The following HS6ST3 variants were observed in gnomAD, a reference collection of about 807,000 sequenced individuals.
HS6ST3 encodes the protein heparan sulfate 6-O-sulfotransferase 3, also known as heparan-sulfate 6-O-sulfotransferase 3.
Under a neutral mutation model 36.7 loss-of-function variants are expected in HS6ST3, and 12 were observed. That is an observed-to-expected ratio of 0.33 (90% CI 0.21 to 0.53). HS6ST3 has a LOEUF of 0.53. HS6ST3 is among the 20% of genes least tolerant of loss of function. HS6ST3 has a pLI of 0.95. For missense variants in HS6ST3, 584 were observed against 640.9 expected, an observed-to-expected ratio of 0.91 and a Z score of 0.96; for synonymous variants, 240 against 257.5, an observed-to-expected ratio of 0.93 and a Z score of 0.65.
rs145875328 is a variant in HS6ST3 at position 96,539,602 on chromosome 13, G to A, written c.708-292888G>A. Among the ~76,000 whole-genome samples the A allele has an allele frequency of 5.1e-3, 777 of 152,142 alleles. 7 individuals are homozygous for A. Among genetic ancestry groups the A allele is most frequent in the Middle Eastern group, 0.014 (4 of 292 alleles). ...GAACTCCTGACCTCATGATCCACCC[G>A]CCTCAGCCTCCCAAAGTGCTGGGAT... On this transcript the variant is annotated intron_variant, in intron 1 of 1. Coordinates refer to ENST00000376705, the MANE Select transcript of HS6ST3 (RefSeq NM_153456.4).
At chr13:96,253,121 C>G (rs1409196061) in intron 1 of HS6ST3, among the ~76,000 whole-genome samples, 1 of 151,924 alleles carries the variant, frequency 6.6e-6, no homozygotes, top group Non-Finnish European at 1.5e-5. Context: ...AGAAGGTTCT[C>G]AGGTGAGTCA....
intron 1 of HS6ST3, among the ~76,000 whole-genome samples, chr13:96,331,260 G>A (rs1359221338): frequency 3.3e-5 from 5 of 152,038 alleles, no homozygotes; most frequent in African/African-American, 7.3e-5. Context: ...GGTGCTCTGC[G>A]TTTTAGAGTT....
At chr13:96,654,644 A>G (rs549413829) in intron 1 of HS6ST3, among the ~76,000 whole-genome samples, 7 of 152,150 alleles carry the variant, frequency 4.6e-5, no homozygotes, top group Non-Finnish European at 1.0e-4. Flanking sequence ...AGGTAGCGTG[A>G]TGCCTCCAGC....
intron 1 of HS6ST3, among the ~76,000 whole-genome samples, chr13:96,480,866 A>C (rs779495988): frequency 1.3e-5 from 2 of 152,164 alleles, no homozygotes; most frequent in African/African-American, 4.8e-5. Context: ...TGTACTCTGG[A>C]GCTCACAGTG....
At chr13:96,684,921 A>T (rs749109064) in intron 1 of HS6ST3, among the ~76,000 whole-genome samples, 2 of 152,126 alleles carry the variant, frequency 1.3e-5, no homozygotes, top group Non-Finnish European at 2.9e-5. Flanking sequence ...TACATATATA[A>T]TGCATAGATT....
chr13:96,476,308 G>T (rs931690054), intron 1 of HS6ST3, among the ~76,000 whole-genome samples: 13 of 152,106 alleles, frequency 8.5e-5, no homozygotes, highest in African/African-American at 2.7e-4. Flanking sequence ...TGCTGATGGG[G>T]ACAGAGAGCC....
intron 1 of HS6ST3, among the ~76,000 whole-genome samples, chr13:96,638,135 G>A (rs1276301679): frequency 6.6e-6 from 1 of 152,018 alleles, no homozygotes; most frequent in Non-Finnish European, 1.5e-5. Flanking sequence ...GAAGGTCTCA[G>A]GCAAAGCATG....
rs574322610 is a variant in HS6ST3, at chr13:96,653,325, CATTAGGT to C, written c.708-179161_708-179155del. 3.5e-3 allele frequency among the ~76,000 whole-genome samples: 534 copies of C among 152,182 alleles called. 2 individuals are homozygous for C. The highest frequency in any genetic ancestry group is 7.7e-3 in the South Asian group (37 of 4,816). ...GTTGCACTTATCAACCCGTCATCTA[CATTAGGT>C]ATTTCTACTAATGCTATTCCTCCCC... On this transcript the variant is annotated intron_variant, in intron 1 of 1. Transcript: ENST00000376705.
chr13:96,536,513 T>C lies in HS6ST3; in HGVS notation c.708-295977T>C, dbSNP rs540980746. 3.9e-4 allele frequency among the ~76,000 whole-genome samples: 59 copies of C among 152,316 alleles called. 3 individuals carry two copies. In the South Asian group the frequency reaches 6.0e-3, roughly 16 times the overall value. On this transcript the variant is annotated intron_variant, in intron 1 of 1. Coordinates refer to ENST00000376705, the MANE Select transcript of HS6ST3 (RefSeq NM_153456.4). ...AGAAAAATTCTGTACAGATCCAGAA[T>C]GATCAAATATAAAGGGCAGTTTTAG...
chr13:96,273,683 A>G (rs2054732216), intron 1 of HS6ST3, among the ~76,000 whole-genome samples: 1 of 150,382 alleles, frequency 6.6e-6, no homozygotes. Flanking sequence ...CTTTTCATTG[A>G]GTGTGCAAGT....
rs536874628 is a variant in HS6ST3, at chr13:96,780,469, C to A, written c.708-52021C>A. Reference sequence around the variant, plus strand: ...AGAAGTAATTTCCCTAACATTTTCCCTATTTCCTCCCTTAATCTAGTGCTA... The same window carrying A: ...AGAAGTAATTTCCCTAACATTTTCCATATTTCCTCCCTTAATCTAGTGCTA... On this transcript the variant is annotated intron_variant, in intron 1 of 1. Transcript: ENST00000376705. Among the ~76,000 whole-genome samples the A allele has an allele frequency of 1.6e-4, 25 of 152,248 alleles. No homozygotes were observed. The South Asian group carries it at 4.6e-3, about 28-fold the overall frequency.
chr13:96,470,697 C>T (rs936249343), intron 1 of HS6ST3, among the ~76,000 whole-genome samples: 4 of 152,282 alleles, frequency 2.6e-5, no homozygotes, highest in South Asian at 4.1e-4. Flanking sequence ...GCACTCTTGC[C>T]TCTGTCCTCA....
Position 96,343,529 on chromosome 13 carries a change from TG to T in HS6ST3, c.707+251961del, listed in dbSNP as rs370924069. On this transcript the variant is annotated intron_variant, in intron 1 of 1. Coordinates refer to ENST00000376705, the MANE Select transcript of HS6ST3 (RefSeq NM_153456.4). Reference sequence around the variant, plus strand: ...ATAATCCAGACTGATCTCCCTATCCTGAGGTCAGCTAAATTCCTTAATTCCC... The same window carrying T: ...ATAATCCAGACTGATCTCCCTATCCTAGGTCAGCTAAATTCCTTAATTCCC... Among the ~76,000 whole-genome samples, 503 of 152,312 alleles carry T rather than the reference TG, an allele frequency of 3.3e-3. 3 individuals carry two copies. Among genetic ancestry groups the T allele is most frequent in the African/African-American group, 0.012 (482 of 41,558 alleles).
intron 1 of HS6ST3, among the ~76,000 whole-genome samples, chr13:96,500,601 T>C (rs576248430): frequency 8.4e-4 from 128 of 152,264 alleles, no homozygotes; most frequent in African/African-American, 3.0e-3. Context: ...TTTGACCTAC[T>C]AGAAGCCCTA....
intron 1 of HS6ST3, among the ~76,000 whole-genome samples, chr13:96,805,272 A>G (rs1345273687): frequency 1.3e-5 from 2 of 152,138 alleles, no homozygotes; most frequent in African/African-American, 4.8e-5. Flanking sequence ...TTCTTGTGAT[A>G]GTGAGTTGCC....
intron 1 of HS6ST3, among the ~76,000 whole-genome samples, chr13:96,671,791 C>T (rs2056683545): frequency 6.6e-6 from 1 of 152,068 alleles, no homozygotes; most frequent in Non-Finnish European, 1.5e-5. Flanking sequence ...TTCAAAGACT[C>T]TCCAAATAAG....
intron 1 of HS6ST3, among the ~76,000 whole-genome samples, chr13:96,394,388 A>G (rs1232563130): frequency 6.6e-6 from 1 of 152,092 alleles, no homozygotes; most frequent in Non-Finnish European, 1.5e-5. Context: ...TAAGGGATAA[A>G]GTGTCACTTT....
chr13:96,585,421 A>T (rs1191950172), intron 1 of HS6ST3, among the ~76,000 whole-genome samples: 1 of 152,188 alleles, frequency 6.6e-6, no homozygotes, highest in Non-Finnish European at 1.5e-5. Flanking sequence ...ACACATTGTA[A>T]AATGACTAAG....
intron 1 of HS6ST3, among the ~76,000 whole-genome samples, chr13:96,699,603 G>A (rs1875229975): frequency 6.6e-6 from 1 of 152,224 alleles, no homozygotes; most frequent in Admixed American, 6.5e-5. Context: ...ACAGGTGCTG[G>A]AGAGGATGTG....
Sources: gnomAD v4.1 joint callset for allele counts (sites outside exome capture counted in the v4.1 genomes callset) on GRCh38, gnomAD v4.1.1 for gene constraint, MANE v1.5 for transcripts, NCBI Gene and HGNC (gene_info 2026-07-23, HGNC 2026-07-21) for gene names.